Variants in STPG4 observed in about 807,000 individuals in gnomAD.
STPG4 encodes the protein sperm-tail PG-rich repeat containing 4.
Under a neutral mutation model 31.5 loss-of-function variants are expected in STPG4, and 41 were observed. That is an observed-to-expected ratio of 1.30 (90% CI 1.01 to 1.69). The LOEUF is 1.69. Among genes scored for constraint, STPG4 ranks in the 40% most tolerant of loss-of-function variants. The pLI, the probability that STPG4 is intolerant of heterozygous loss-of-function variation, is 0.00. For synonymous variants in STPG4, 141 were observed against 103.0 expected, an observed-to-expected ratio of 1.37 and a Z score of -2.24; for missense variants, 375 against 293.4, an observed-to-expected ratio of 1.28 and a Z score of -2.03.
intron 3 of STPG4, among the ~76,000 whole-genome samples, chr2:47,149,314 C>T (rs534963260): frequency 2.2e-4 from 33 of 152,298 alleles, no homozygotes; most frequent in Non-Finnish European, 1.5e-5. Flanking sequence ...ACGTTTTCTC[C>T]TTTCAACACT....
At chr2:47,104,531 G>T (rs1685864567) in intron 5 of STPG4, among the ~76,000 whole-genome samples, 2 of 151,980 alleles carry the variant, frequency 1.3e-5, no homozygotes, top group East Asian at 3.8e-4. Context: ...GCCTTCTTCT[G>T]TATTCCCCTG....
intron 1 of STPG4, among the ~76,000 whole-genome samples, chr2:47,154,349 A>G (rs1178770207): frequency 6.6e-6 from 1 of 152,216 alleles, no homozygotes; most frequent in Non-Finnish European, 1.5e-5. Context: ...CAACTTTCTC[A>G]GGCAGGTCAA....
At chr2:47,125,493 C>T (rs62140298) in intron 5 of STPG4, among the ~76,000 whole-genome samples, 64 of 152,264 alleles carry the variant, frequency 4.2e-4, no homozygotes, top group South Asian at 6.2e-4. Flanking sequence ...CTTTGTCAGA[C>T]GGATAGTTTG....
chr2:47,112,194 T>C (rs1012010651), intron 5 of STPG4, among the ~76,000 whole-genome samples: 1 of 152,182 alleles, frequency 6.6e-6, no homozygotes, highest in Non-Finnish European at 1.5e-5. Flanking sequence ...TGAGACGGAG[T>C]CTTGCTCTGT....
At chr2:47,105,568 G>C (rs780837533) in intron 5 of STPG4, among the ~76,000 whole-genome samples, 1 of 152,004 alleles carries the variant, frequency 6.6e-6, no homozygotes, top group East Asian at 1.9e-4. Context: ...CCAGACTTAC[G>C]CTGCCTGAGA....
intron 5 of STPG4, chr2:47,121,046 T>C (rs1221806568): frequency 6.5e-6 from 1 of 153,608 alleles, no homozygotes; most frequent in Non-Finnish European, 1.5e-5. Flanking sequence ...GCGTAAATCC[T>C]TGCAGAGGAC....
At position 47,129,886 on chromosome 2, in the gene STPG4, C is replaced by G. The variant is rs1458231181; in HGVS notation, c.519+55G>C. Reference sequence around the variant, plus strand: ...CCACCTTGCTCCACTCCAGAAAGCACAGCGTATTTTAAACATCAAATTCAT... The same window carrying G: ...CCACCTTGCTCCACTCCAGAAAGCAGAGCGTATTTTAAACATCAAATTCAT... On this transcript the variant is annotated intron_variant, in intron 5 of 6. Transcript: ENST00000445927. 6 of 1,595,540 alleles carry G rather than the reference C, an allele frequency of 3.8e-6. No individual in the cohort carries two copies. The South Asian group carries it at 4.6e-5, about 12-fold the overall frequency.
intron 3 of STPG4, among the ~76,000 whole-genome samples, chr2:47,148,597 T>C (rs1016636883): frequency 2.0e-5 from 3 of 152,148 alleles, no homozygotes; most frequent in African/African-American, 7.2e-5. Flanking sequence ...TTGTTACATA[T>C]GTATACATGT....
At chr2:47,099,706 C>T (rs1307360728) in intron 5 of STPG4, among the ~76,000 whole-genome samples, 1 of 152,244 alleles carries the variant, frequency 6.6e-6, no homozygotes, top group African/African-American at 2.4e-5. Flanking sequence ...AGAGCCGGCT[C>T]CCTCAGCTTG....
intron 5 of STPG4, among the ~76,000 whole-genome samples, chr2:47,106,716 A>G (rs1471221471): frequency 6.6e-6 from 1 of 151,952 alleles, no homozygotes; most frequent in African/African-American, 2.4e-5. Flanking sequence ...AAATCAGACA[A>G]TGCCTTTCAA....
intron 6 of STPG4, among the ~76,000 whole-genome samples, chr2:47,089,551 C>T (rs1022283233): frequency 6.6e-6 from 1 of 152,156 alleles, no homozygotes; most frequent in Non-Finnish European, 1.5e-5. Context: ...GTTTCCCCAG[C>T]CATCTCAAAT....
intron 5 of STPG4, among the ~76,000 whole-genome samples, chr2:47,127,347 C>T (rs1264935680): frequency 7.0e-6 from 1 of 142,728 alleles, no homozygotes; most frequent in Non-Finnish European, 1.5e-5. Context: ...TGGCTCACTG[C>T]AAGCTCCGCC....
chr2:47,117,934 T>A (rs538468153), intron 5 of STPG4, among the ~76,000 whole-genome samples: 155 of 146,838 alleles, frequency 1.1e-3, no homozygotes, highest in East Asian at 6.6e-3. Flanking sequence ...ATATATATTT[T>A]TTTTTTAATA....
intron 3 of STPG4, among the ~76,000 whole-genome samples, chr2:47,133,486 T>G (rs1042880350): frequency 3.3e-5 from 5 of 151,652 alleles, no homozygotes; most frequent in African/African-American, 1.2e-4. Flanking sequence ...TTTTTAAGGC[T>G]TAGAGAATCT....
In STPG4 at chr2:47,107,739, C is replaced by T. The variant is rs560662710; in HGVS notation, c.520-17365G>A. ...GATCCACTGGGTGAAGCCAGCTGGGCTCCTGAGTCTGGTGGGGACGTGGAG... is the reference window on the plus strand; with the variant it reads ...GATCCACTGGGTGAAGCCAGCTGGGTTCCTGAGTCTGGTGGGGACGTGGAG... On this transcript the variant is annotated intron_variant, in intron 5 of 6. Transcript: ENST00000445927. Among the ~76,000 whole-genome samples, 9 of 152,294 alleles carry T rather than the reference C, an allele frequency of 5.9e-5. 1 individual carries two copies. The East Asian group carries it at 1.7e-3, about 29-fold the overall frequency.
intron 5 of STPG4, among the ~76,000 whole-genome samples, chr2:47,119,923 T>A (rs1210923551): frequency 6.6e-6 from 1 of 152,214 alleles, no homozygotes; most frequent in African/African-American, 2.4e-5. Context: ...AGGTTATACA[T>A]TGGTTTTATT....
intron 6 of STPG4, 140 bp from the exon 7 acceptor site, chr2:47,087,270 C>G (rs542778966): frequency 3.4e-5 from 30 of 893,048 alleles, no homozygotes; most frequent in Non-Finnish European, 4.3e-5. Flanking sequence ...TGGGCTGAAG[C>G]CTGGCAGACC....
intron 6 of STPG4, among the ~76,000 whole-genome samples, chr2:47,088,961 G>A (rs1260304758): frequency 6.6e-6 from 1 of 152,180 alleles, no homozygotes; most frequent in East Asian, 1.9e-4. Flanking sequence ...GAGGCTGCTG[G>A]TTGGGGTTCA....
At chr2:47,088,703 C>A (rs753246148) in intron 6 of STPG4, among the ~76,000 whole-genome samples, 45 of 152,174 alleles carry the variant, frequency 3.0e-4, no homozygotes, top group Non-Finnish European at 3.8e-4. Context: ...AAGAGTGGAG[C>A]AGAGCAGTCA....
Sources: gnomAD v4.1 joint callset for allele counts (sites outside exome capture counted in the v4.1 genomes callset) on GRCh38, gnomAD v4.1.1 for gene constraint, MANE v1.5 for transcripts, NCBI Gene and HGNC (gene_info 2026-07-23, HGNC 2026-07-21) for gene names.